RASSF3: variants seen among roughly 807,000 people sequenced by gnomAD.
RASSF3 encodes the protein ras association domain-containing protein 3.
A neutral mutation model predicts 19.9 loss-of-function variants in RASSF3; 19 were observed. The ratio of observed to expected loss-of-function variants is 0.96; its 90% CI spans 0.67 to 1.40. The LOEUF (loss-of-function observed/expected upper bound fraction) is 1.40. RASSF3 is among the 40% of genes most tolerant of loss of function. The probability of loss-of-function intolerance (pLI) is 0.00; values close to 1 mark genes in which losing one functional copy is unlikely to be tolerated. For missense variants in RASSF3, 306 were observed against 289.8 expected, an observed-to-expected ratio of 1.06 and a Z score of -0.41; for synonymous variants, 110 against 104.2, an observed-to-expected ratio of 1.06 and a Z score of -0.34.
intron 1 of RASSF3, among the ~76,000 whole-genome samples, chr12:64,642,865 C>CTTTTTTTTTTTTTTTT (rs537286977): frequency 1.4e-5 from 2 of 138,918 alleles, no homozygotes; most frequent in Non-Finnish European, 3.1e-5. Flanking sequence ...TTCTTTCTTT[C>CTTTTTTTTTTTTTTTT]TTTTTTTTTT....
At chr12:64,672,122 A>G (rs1421620114) in intron 1 of RASSF3, among the ~76,000 whole-genome samples, 3 of 151,858 alleles carry the variant, frequency 2.0e-5, no homozygotes, top group Non-Finnish European at 4.4e-5. Context: ...ATTTTTTGAT[A>G]CAGGCATATA....
chr12:64,514,446 A>T (rs377513443), intron 1 of RASSF3, among the ~76,000 whole-genome samples: 22 of 152,100 alleles, frequency 1.4e-4, no homozygotes, highest in African/African-American at 5.1e-4. Context: ...CAGCTTCCCA[A>T]AGTGCTGAGA....
rs978142406 is a variant in RASSF3 at position 64,651,776 on chromosome 12, C to T, written c.112-33011C>T. 3.9e-5 allele frequency among the ~76,000 whole-genome samples: 6 copies of T among 152,184 alleles called. No individual in the cohort carries two copies. In the Middle Eastern group the frequency reaches 0.01, roughly 259 times the overall value. ...TTCCCAGGCTCAGGTGATCCTTCAC[C>T]CTCAATCTCCTGAGTAGCTGGGACC... On this transcript the variant is annotated intron_variant, in intron 1 of 4. Transcript: ENST00000542104.
At chr12:64,545,984 T>C (rs1426595946), downstream of RASSF3, among the ~76,000 whole-genome samples, 4 of 150,610 alleles carry the variant, frequency 2.7e-5, no homozygotes, top group South Asian at 2.1e-4. Context: ...TAGTCCCAGC[T>C]ACTCTGGAGG....
intron 1 of RASSF3, among the ~76,000 whole-genome samples, chr12:64,623,248 G>A (rs1406185126): frequency 6.6e-6 from 1 of 152,196 alleles, no homozygotes; most frequent in African/African-American, 2.4e-5. Context: ...TCACGTAGGA[G>A]GAAAAGTACC....
intron 1 of RASSF3, among the ~76,000 whole-genome samples, chr12:64,626,488 C>CAAAAAAAAAAAA (rs36122537): frequency 2.6e-5 from 2 of 76,810 alleles, no homozygotes; most frequent in African/African-American, 4.4e-5. Context: ...ACTCTTGTCT[C>CAAAAAAAAAAAA]AAAAAAAAAA....
intron 1 of RASSF3, chr12:64,654,636 T>G (rs1872083542): frequency 4.2e-5 from 2 of 47,864 alleles, no homozygotes; most frequent in African/African-American, 9.6e-5. Context: ...GAGACCGTGT[T>G]TCTTTGCGGG....
chr12:64,587,828 A>C (rs1039332593), intron 2 of RASSF3, among the ~76,000 whole-genome samples: 1 of 152,186 alleles, frequency 6.6e-6, no homozygotes, highest in Non-Finnish European at 1.5e-5. Context: ...TTTTTGTCCT[A>C]GTTTAAAATA....
At chr12:64,638,475 G>C (rs752315933) in intron 1 of RASSF3, among the ~76,000 whole-genome samples, 1 of 151,918 alleles carries the variant, frequency 6.6e-6, no homozygotes, top group Non-Finnish European at 1.5e-5. Flanking sequence ...AGCTACTCGG[G>C]AGGCTGAGGC....
intron 1 of RASSF3, among the ~76,000 whole-genome samples, chr12:64,612,771 C>T (rs58562693): frequency 0.051 from 7,805 of 152,124 alleles, 534 homozygotes; most frequent in African/African-American, 0.15. Context: ...CCACCGCCCC[C>T]GGCACATTTA....
chr12:64,525,574 T>C (rs1868567011), intron 1 of RASSF3, among the ~76,000 whole-genome samples: 1 of 152,164 alleles, frequency 6.6e-6, no homozygotes. Context: ...ATTCTCCCAC[T>C]TCATTTTCAG....
intron 3 of RASSF3, 72 bp downstream of exon 3, chr12:64,688,525 A>G (rs1873450023): frequency 1.8e-6 from 2 of 1,092,028 alleles, no homozygotes; most frequent in Non-Finnish European, 2.8e-6. Flanking sequence ...AGCAGAGGGA[A>G]GACTGGTGGG....
At chr12:64,569,426 A>G (rs1869482218) in intron 2 of RASSF3, among the ~76,000 whole-genome samples, 1 of 151,694 alleles carries the variant, frequency 6.6e-6, no homozygotes. Flanking sequence ...CAGTGCACAA[A>G]CTCCACACCT....
chr12:64,621,487 A>G (rs544662520), intron 1 of RASSF3, among the ~76,000 whole-genome samples: 58 of 151,974 alleles, frequency 3.8e-4, no homozygotes, highest in African/African-American at 1.4e-3. Context: ...TCAGGCTTTC[A>G]TTTTTTTAAG....
chr12:64,544,685 C>G (rs1374274056), downstream of RASSF3, among the ~76,000 whole-genome samples: 3 of 151,976 alleles, frequency 2.0e-5, no homozygotes, highest in Non-Finnish European at 4.4e-5. Flanking sequence ...AGTGTCTTGT[C>G]AGTTTCTGGG....
At chr12:64,568,824 C>T (rs1869473768) in intron 2 of RASSF3, among the ~76,000 whole-genome samples, 1 of 152,160 alleles carries the variant, frequency 6.6e-6, no homozygotes. Flanking sequence ...ATTCTCCTGC[C>T]TCAGCCTCCC....
intron 1 of RASSF3, among the ~76,000 whole-genome samples, chr12:64,621,956 A>C (rs560480570): frequency 1.4e-5 from 2 of 138,392 alleles, no homozygotes; most frequent in Non-Finnish European, 2.9e-5. Flanking sequence ...CATGTGTTTT[A>C]AAAAAAAGGG....
At chr12:64,518,222 G>A (rs1279577452) in intron 1 of RASSF3, among the ~76,000 whole-genome samples, 5 of 152,112 alleles carry the variant, frequency 3.3e-5, no homozygotes, top group East Asian at 1.9e-4. Flanking sequence ...TTGGCAGAAC[G>A]CTCACTGCTC....
chr12:64,523,534 GGGA>G (rs1868521877), intron 1 of RASSF3, among the ~76,000 whole-genome samples: 1 of 152,172 alleles, frequency 6.6e-6, no homozygotes. Flanking sequence ...AGCCTTCAGT[GGGA>G]GCTCTCTGTG....
Sources: gnomAD v4.1 joint callset for allele counts (sites outside exome capture counted in the v4.1 genomes callset) on GRCh38, gnomAD v4.1.1 for gene constraint, MANE v1.5 for transcripts, NCBI Gene and HGNC (gene_info 2026-07-23, HGNC 2026-07-21) for gene names.